NMNAT3: variants seen among roughly 807,000 people sequenced by gnomAD.
NMNAT3 encodes the protein nicotinamide nucleotide adenylyltransferase 3.
Under a neutral mutation model 24.8 loss-of-function variants are expected in NMNAT3, and 21 were observed. The ratio of observed to expected loss-of-function variants is 0.85; its 90% CI spans 0.60 to 1.22. The LOEUF is 1.22. Among genes scored for constraint, NMNAT3 ranks in the 50% most tolerant of loss-of-function variants. The probability of loss-of-function intolerance (pLI) is 0.00; values close to 1 mark genes in which losing one functional copy is unlikely to be tolerated. For synonymous variants in NMNAT3, 136 were observed against 155.2 expected (o/e 0.88, Z 0.92); for missense variants, 387 against 436.6 (o/e 0.89, Z 1.01).
rs1255243987 is a variant in NMNAT3 at position 139,561,027 on chromosome 3, C to T, written c.1024G>A (p.Glu342Lys). 6.2e-7 allele frequency: 1 copy of T among 1,612,982 alleles called. No homozygotes were observed. The highest frequency in any genetic ancestry group is 2.2e-5 in the East Asian group (1 of 44,870). ...CCCCCTCCCTAGCTTGTCTTGCCCT[C>T]AGTGCTCTGGGTGCTTTTGCCTTTC... The change falls in exon 7 of 7, where the codon GAG becomes AAG. Residue 342 changes from glutamate (E) to lysine (K), a missense_variant. Glu to Lys is a moderately conservative substitution (Grantham distance 56, BLOSUM62 1). This residue lies in a region of NMNAT3 where 323 missense variants were observed against 345.2 expected (regional missense o/e 0.94). Coordinates refer to ENST00000643695, the MANE Select transcript of NMNAT3 (RefSeq NM_001320510.2).
At chr3:139,668,036 G>C (rs1047707094) in intron 1 of NMNAT3, among the ~76,000 whole-genome samples, 14 of 152,200 alleles carry the variant, frequency 9.2e-5, no homozygotes, top group Non-Finnish European at 7.3e-5. Context: ...TACAAACCAG[G>C]TGTGTGAATG....
In NMNAT3 at chr3:139,563,865, T is replaced by C. The variant is rs145633469; in HGVS notation, c.659-2473A>G. 1.8e-3 allele frequency among the ~76,000 whole-genome samples: 272 copies of C among 152,304 alleles called. 1 individual carries two copies. Among genetic ancestry groups the C allele is most frequent in the African/African-American group, 4.3e-3 (179 of 41,562 alleles). On this transcript the variant is annotated intron_variant, in intron 6 of 6. Coordinates refer to ENST00000643695, the MANE Select transcript of NMNAT3 (RefSeq NM_001320510.2). The stretch of plus-strand genomic sequence containing the variant: ...ATAAAGAAATCAATACGATTTCTCC[T>C]AACAGTGATACAGATACATAAACAA...
At position 139,631,466 on chromosome 3, in the gene NMNAT3, G is replaced by A. The variant is rs114507201; in HGVS notation, c.-40-3702C>T. Reference sequence around the variant, plus strand: ...ATCATCTAATAATATCTAGTGAGACGGAGCAAGTGAGGGAGACTTCTGCTA... The same window carrying A: ...ATCATCTAATAATATCTAGTGAGACAGAGCAAGTGAGGGAGACTTCTGCTA... On this transcript the variant is annotated intron_variant, in intron 2 of 6. Coordinates refer to ENST00000643695, the MANE Select transcript of NMNAT3 (RefSeq NM_001320510.2). 1.8e-3 allele frequency among the ~76,000 whole-genome samples: 280 copies of A among 152,152 alleles called. 2 individuals are homozygous for A. The highest frequency in any genetic ancestry group is 6.5e-3 in the African/African-American group (269 of 41,520).
chr3:139,583,101 T>C lies in NMNAT3; in HGVS notation c.217A>G (p.Ser73Gly), dbSNP rs2053742338. ...TTGTCAGGGTCATCATTTTTGCTGC[T>C]AACATTATTTTGAATCCTTTTTTGC... Residue 73 changes from serine to glycine, a missense_variant, in exon 4 of 7, where the codon AGC becomes GGC. This residue lies in a region of NMNAT3 where 13 missense variants were observed against 35.8 expected (regional missense o/e 0.36). Transcript: ENST00000643695. 6.4e-7 allele frequency: 1 copy of C among 1,567,806 alleles called. No individual in the cohort carries two copies. Among genetic ancestry groups the C allele is most frequent in the African/African-American group, 1.4e-5 (1 of 73,622 alleles).
chr3:139,592,828 A>G (rs996986152), intron 3 of NMNAT3, among the ~76,000 whole-genome samples: 1 of 152,226 alleles, frequency 6.6e-6, no homozygotes, highest in Non-Finnish European at 1.5e-5. Flanking sequence ...AGCACTAAAC[A>G]TGGAAAGGAA....
At position 139,671,997 on chromosome 3, in the gene NMNAT3, T is replaced by C. The variant is rs142998152; in HGVS notation, c.-141+5708A>G. ...GGTTGGTTTGCATCACATGTTTTCATCATTCTTTTCCTTTATGGTTGTAAA... is the reference window on the plus strand; with the variant it reads ...GGTTGGTTTGCATCACATGTTTTCACCATTCTTTTCCTTTATGGTTGTAAA... On this transcript the variant is annotated intron_variant, in intron 1 of 6. Coordinates refer to ENST00000643695, the MANE Select transcript of NMNAT3 (RefSeq NM_001320510.2). 1.4e-4 allele frequency among the ~76,000 whole-genome samples: 21 copies of C among 152,350 alleles called. No homozygotes were observed. The East Asian group carries it at 4.1e-3, about 29-fold the overall frequency.
intron 5 of NMNAT3, among the ~76,000 whole-genome samples, chr3:139,574,637 T>C (rs552977377): frequency 5.1e-4 from 78 of 152,330 alleles, no homozygotes; most frequent in African/African-American, 1.8e-3. Flanking sequence ...GAAAAGCATA[T>C]GCTTTTCAGC....
At chr3:139,673,160 G>A (rs954321979) in intron 1 of NMNAT3, among the ~76,000 whole-genome samples, 1 of 152,142 alleles carries the variant, frequency 6.6e-6, no homozygotes, top group African/African-American at 2.4e-5. Context: ...AGGCTCTCAG[G>A]TGGACTCTGT....
chr3:139,636,973 C>T (rs1238934659), intron 2 of NMNAT3: 1 of 152,172 alleles, frequency 6.6e-6, no homozygotes, highest in African/African-American at 2.4e-5. Flanking sequence ...TGTCCTACTA[C>T]ATTTGTGTAG....
intron 5 of NMNAT3, chr3:139,575,742 AGTG>A: frequency 9.1e-7 from 1 of 1,098,346 alleles, no homozygotes; most frequent in South Asian, 2.4e-5. Context: ...TGCCTGCCTG[AGTG>A]GTACCTTGGG....
intron 1 of NMNAT3, among the ~76,000 whole-genome samples, chr3:139,647,511 A>G (rs1298985031): frequency 6.6e-6 from 1 of 152,244 alleles, no homozygotes; most frequent in African/African-American, 2.4e-5. Context: ...GGGTCATTGC[A>G]GATGTGATTA....
intron 3 of NMNAT3, among the ~76,000 whole-genome samples, chr3:139,598,427 C>T (rs542140423): frequency 6.6e-6 from 1 of 152,234 alleles, no homozygotes; most frequent in South Asian, 2.1e-4. Flanking sequence ...ACCCAGCTGC[C>T]ATGAATGGGT....
At chr3:139,639,712 C>T (rs915333983) in intron 1 of NMNAT3, among the ~76,000 whole-genome samples, 6 of 152,334 alleles carry the variant, frequency 3.9e-5, no homozygotes, top group Admixed American at 6.5e-5. Context: ...AGTCTTTTGT[C>T]TCCGAGGGAG....
At chr3:139,675,094 AC>A (rs1379207365) in intron 1 of NMNAT3, among the ~76,000 whole-genome samples, 13 of 141,178 alleles carry the variant, frequency 9.2e-5, no homozygotes, top group Admixed American at 7.8e-4. Context: ...ATGCTTAAAT[AC>A]ATTAGTCATC....
chr3:139,564,200 A>C (rs982827840), intron 6 of NMNAT3, among the ~76,000 whole-genome samples: 2 of 152,170 alleles, frequency 1.3e-5, no homozygotes, highest in African/African-American at 4.8e-5. Context: ...GATGGAGAGA[A>C]TGCAATGTAA....
chr3:139,666,011 A>G (rs572615806), intron 1 of NMNAT3, among the ~76,000 whole-genome samples: 1 of 152,310 alleles, frequency 6.6e-6, no homozygotes, highest in African/African-American at 2.4e-5. Context: ...AATCATGTAA[A>G]TATGTTACCT....
chr3:139,643,573 T>C (rs2056776776), intron 1 of NMNAT3, among the ~76,000 whole-genome samples: 1 of 152,212 alleles, frequency 6.6e-6, no homozygotes, highest in Non-Finnish European at 1.5e-5. Flanking sequence ...AATTCTGACA[T>C]ATGCTACCAT....
At chr3:139,575,658 C>T in intron 5 of NMNAT3, 2 of 1,027,570 alleles carry the variant, frequency 1.9e-6, no homozygotes, top group Non-Finnish European at 2.3e-6. Context: ...GAAATAATTA[C>T]TTCCAATACA....
At chr3:139,673,435 C>T (rs552946309) in intron 1 of NMNAT3, among the ~76,000 whole-genome samples, 4 of 152,134 alleles carry the variant, frequency 2.6e-5, no homozygotes, top group Non-Finnish European at 5.9e-5. Flanking sequence ...CAGCATACAC[C>T]ACTGCTTACC....
Sources: gnomAD v4.1 joint callset for allele counts (sites outside exome capture counted in the v4.1 genomes callset) on GRCh38, gnomAD v4.1.1 for gene constraint, gnomAD v4.1.1 regional missense constraint, MANE v1.5 for transcripts, NCBI Gene and HGNC (gene_info 2026-07-23, HGNC 2026-07-21) for gene names.